Variants in COL6A2 observed in about 807,000 individuals in gnomAD.
COL6A2 encodes collagen type VI alpha 2 chain, also known as collagen alpha-2(VI) chain.
Under a neutral mutation model 124.9 loss-of-function variants are expected in COL6A2, and 90 were observed. The ratio of observed to expected loss-of-function variants is 0.72; its 90% CI spans 0.61 to 0.86. The LOEUF (loss-of-function observed/expected upper bound fraction) is 0.86, where lower values mean the gene tolerates loss of function less well. COL6A2 is among the 40% of genes least tolerant of loss of function. The pLI is 0.00. For missense variants in COL6A2, 1,607 were observed against 1,502.5 expected, an observed-to-expected ratio of 1.07 and a Z score of -1.15; for synonymous variants, 793 against 618.2, an observed-to-expected ratio of 1.28 and a Z score of -4.19.
intron 10 of COL6A2, among the ~76,000 whole-genome samples, 182 bp from the exon 11 acceptor site, chr21:46,117,218 C>T (rs566271730): frequency 1.6e-4 from 24 of 152,356 alleles, no homozygotes; most frequent in Admixed American, 1.6e-3. Flanking sequence ...TCCTGCACAA[C>T]GGCCACTCTG....
Position 46,119,100 on chromosome 21 carries a change from G to T in COL6A2, c.1250G>T (p.Arg417Leu), listed in dbSNP as rs371383704. The T allele has an allele frequency of 5.6e-6, 9 of 1,611,832 alleles. No individual in the cohort carries two copies. In the African/African-American group the frequency reaches 6.7e-5, roughly 12 times the overall value. ...GGAGCCAAGGGCGGGCCTGGGCCCC[G>T]CGGACCCAAAGGCGAGCCGGTGAGT... ...VKGAKGGPGP[R>L]GPKGEPGRRG... Residue 417 changes from arginine to leucine, a missense_variant, in exon 14 of 28, where the codon CGC becomes CTC. Arg to Leu is a moderately radical substitution (Grantham distance 102). Coordinates refer to ENST00000300527, the MANE Select transcript of COL6A2 (RefSeq NM_001849.4).
chr21:46,126,064 G>A lies in COL6A2; in HGVS notation c.2249G>A (p.Arg750His), dbSNP rs779058606. ...CTCAACTTGCGGGCGCTGTGCGACC[G>A]CGACGTCACAGTGACGGCCATCGGC... ...DDLNLRALCDRDVTVTAIGIG... is the reference protein window; with the variant it reads ...DDLNLRALCDHDVTVTAIGIG... Residue 750 changes from arginine (R) to histidine (H), a missense_variant, in exon 26 of 28, where the codon CGC (arginine) becomes CAC (histidine). Physicochemically the swap from Arg to His is conservative, Grantham distance 29 (BLOSUM62 0). This residue lies in a region of COL6A2 where 1,223 missense variants were observed against 1,052.2 expected (regional missense o/e 1.16). Transcript: ENST00000300527. 32 of 1,612,864 alleles carry A rather than the reference G, an allele frequency of 2.0e-5. No homozygotes were observed. In the East Asian group the frequency reaches 3.1e-4, roughly 16 times the overall value.
At position 46,122,915 on chromosome 21, in the gene COL6A2, G is replaced by GGAAAGGAGA. The variant is rs773493556; in HGVS notation, c.1660_1668dup (p.Lys554_Glu556dup). 9.3e-6 allele frequency: 15 copies of GGAAAGGAGA among 1,613,316 alleles called. No homozygotes were observed. In the South Asian group the frequency reaches 1.2e-4, roughly 13 times the overall value. On this transcript the variant is annotated inframe_insertion, in exon 21 of 28. Coordinates refer to ENST00000300527, the MANE Select transcript of COL6A2 (RefSeq NM_001849.4). ...TTTGGCTTGAAAGGAGAACCTGGGA[G>GGAAAGGAGA]GAAAGGAGAGAAAGGAGAGCCTGTG...
At chr21:46,114,251 C>G (rs1230159964) in intron 5 of COL6A2, among the ~76,000 whole-genome samples, 178 bp downstream of exon 5, 1 of 152,012 alleles carries the variant, frequency 6.6e-6, no homozygotes, top group Non-Finnish European at 1.5e-5. Flanking sequence ...ATGGTGAAAC[C>G]CTGTCTCTAC....
chr21:46,110,920 A>G (rs560841135), intron 1 of COL6A2, among the ~76,000 whole-genome samples: 5 of 152,088 alleles, frequency 3.3e-5, no homozygotes, highest in Non-Finnish European at 7.4e-5. Context: ...CAGGCTAATG[A>G]CGGCTGTGTC....
chr21:46,121,285 C>T (rs2078562028), intron 17 of COL6A2, among the ~76,000 whole-genome samples, 162 bp downstream of exon 17: 1 of 152,188 alleles, frequency 6.6e-6, no homozygotes, highest in African/African-American at 2.4e-5. Context: ...CCGAGTACCT[C>T]ATACCCACCC....
intron 1 of COL6A2, among the ~76,000 whole-genome samples, chr21:46,108,857 G>A (rs770294802): frequency 2.0e-5 from 3 of 152,172 alleles, no homozygotes; most frequent in Admixed American, 1.3e-4. Flanking sequence ...GGCCAGTGGC[G>A]CCTTTGCCCA....
intron 12 of COL6A2, 39 bp downstream of exon 12, chr21:46,117,975 C>G (rs180796593): frequency 6.3e-7 from 1 of 1,587,444 alleles, no homozygotes; most frequent in African/African-American, 1.3e-5. Context: ...GGCGGGGTCA[C>G]CAGCTTCCAG....
rs727503883 is a variant in COL6A2 at position 46,118,659 on chromosome 21, G to A, written c.1162G>A (p.Gly388Arg). 3 of 1,611,490 alleles carry A rather than the reference G, an allele frequency of 1.9e-6. No individual in the cohort carries two copies. Among genetic ancestry groups the A allele is most frequent in the Admixed American group, 3.3e-5 (2 of 59,906 alleles). The change falls in exon 13 of 28, where the codon GGG (glycine) becomes AGG (arginine). Residue 388 changes from glycine to arginine, a missense_variant. Transcript: ENST00000300527. Reference protein sequence around the residue: ...PGRRGPPGEIGAKGSKGYQGN... With the variant: ...PGRRGPPGEIRAKGSKGYQGN... The stretch of plus-strand genomic sequence containing the variant: ...ACGCAGAGGGCCCCCGGGAGAAATC[G>A]GGGCCAAGGGAAGCAAGGTGAGCCC...
chr21:46,131,397 G>A (rs994752118), intron 27 of COL6A2, among the ~76,000 whole-genome samples: 6 of 152,238 alleles, frequency 3.9e-5, no homozygotes, highest in Non-Finnish European at 8.8e-5. Context: ...GCCACAGAAG[G>A]TCTGGCTGCC....
chr21:46,125,771 C>T lies in COL6A2; in HGVS notation c.1970-14C>T, dbSNP rs749228434. 1.5e-5 allele frequency: 24 copies of T among 1,610,640 alleles called. No homozygotes were observed. Among genetic ancestry groups the T allele is most frequent in the Admixed American group, 3.3e-5 (2 of 59,948 alleles). On this transcript the variant is annotated splice_polypyrimidine_tract_variant and intron_variant, in intron 25 of 27. Coordinates refer to ENST00000300527, the MANE Select transcript of COL6A2 (RefSeq NM_001849.4). ...CGAGGCCTCTGGCAACGACCTCACG[C>T]GTGCGGCTTGCAGGGACGCGTGTGG...
chr21:46,122,879 G>A lies in COL6A2; in HGVS notation c.1613G>A (p.Gly538Asp), dbSNP rs769528364. The change falls in exon 21 of 28, where the codon GGC becomes GAC. Residue 538 changes from glycine to aspartate, a missense_variant. Physicochemically the swap from Gly to Asp is moderately conservative, Grantham distance 94. Coordinates refer to ENST00000300527, the MANE Select transcript of COL6A2 (RefSeq NM_001849.4). ...GEPGPRGPEG[G>D]RGDFGLKGEP... ...AACATGTGTTCCCTGTCACAGGGAG[G>A]CCGAGGCGACTTTGGCTTGAAAGGA... The A allele has an allele frequency of 2.2e-5, 35 of 1,613,346 alleles. No homozygotes were observed. The South Asian group carries it at 3.6e-4, about 17-fold the overall frequency.
chr21:46,098,455 G>A (rs1197943198), intron 1 of COL6A2, among the ~76,000 whole-genome samples: 1 of 49,892 alleles, frequency 2.0e-5, no homozygotes, highest in African/African-American at 5.8e-5. Context: ...CCTGGGCGGG[G>A]TGGGGGGGTC....
intron 1 of COL6A2, among the ~76,000 whole-genome samples, chr21:46,099,455 C>CAAAAAAAA (rs35690093): frequency 1.5e-5 from 1 of 68,700 alleles, no homozygotes; most frequent in Non-Finnish European, 2.7e-5. Flanking sequence ...GAGACTGTCT[C>CAAAAAAAA]AAAAAAAAAA....
At position 46,118,697 on chromosome 21, in the gene COL6A2, G is replaced by A. The variant is rs759463506; in HGVS notation, c.1179+21G>A. 95 of 1,600,884 alleles carry A rather than the reference G, an allele frequency of 5.9e-5. 1 individual carries two copies. Among genetic ancestry groups the A allele is most frequent in the South Asian group, 7.9e-5 (7 of 88,872 alleles). ...GCAAGGTGAGCCCCTCTGCCTCTTCGCCTGCAGCTGAGCTGGCCACACTCA... is the reference window on the plus strand; with the variant it reads ...GCAAGGTGAGCCCCTCTGCCTCTTCACCTGCAGCTGAGCTGGCCACACTCA... On this transcript the variant is annotated intron_variant, in intron 13 of 27. Transcript: ENST00000300527.
intron 1 of COL6A2, among the ~76,000 whole-genome samples, chr21:46,105,635 A>T (rs998755276): frequency 6.6e-6 from 1 of 152,230 alleles, no homozygotes; most frequent in Admixed American, 6.5e-5. Flanking sequence ...ATTGAAGCTA[A>T]ACTGGTATAA....
chr21:46,132,396 C>T lies in COL6A2; in HGVS notation c.2904C>T (p.Asn968=), dbSNP rs143569686. ...HESAHSMRKQ[N]VVPTVLALGS... is the part of the protein sequence containing the mutation. ...CGGCGCACTCCATGCGCAAGCAGAA[C>T]GTGGTACCCACCGTGCTGGCCTTGG... is the stretch of plus-strand genomic sequence containing the variant. Residue 968 remains asparagine (N), a synonymous_variant, in exon 28 of 28, where the codon AAC becomes AAT. Coordinates refer to ENST00000300527, the MANE Select transcript of COL6A2 (RefSeq NM_001849.4). The T allele has an allele frequency of 1.1e-4, 177 of 1,609,324 alleles. No individual in the cohort carries two copies. Among genetic ancestry groups the T allele is most frequent in the East Asian group, 4.2e-4 (19 of 44,820 alleles).
intron 1 of COL6A2, among the ~76,000 whole-genome samples, chr21:46,108,670 CTTACA>C (rs1040602838): frequency 1.3e-5 from 2 of 152,300 alleles, no homozygotes; most frequent in African/African-American, 4.8e-5. Context: ...GTTAATGTGA[CTTACA>C]TTAATGTATT....
chr21:46,099,889 C>CTTTTGTTTTTTTTT (rs2078269429), intron 1 of COL6A2, among the ~76,000 whole-genome samples: 1 of 91,840 alleles, frequency 1.1e-5, no homozygotes, highest in Non-Finnish European at 2.1e-5. Flanking sequence ...GCAGCACTGT[C>CTTTTGTTTTTTTTT]TTTTTTTTTT....
Sources: allele counts gnomAD v4.1 joint callset (sites outside exome capture counted in the v4.1 genomes callset), GRCh38; gene constraint gnomAD v4.1.1; regional missense constraint gnomAD v4.1.1; transcripts MANE v1.5; gene names NCBI Gene and HGNC (gene_info 2026-07-23, HGNC 2026-07-21).